Variants in PTPRD observed in about 807,000 individuals in gnomAD.
PTPRD encodes the protein receptor-type tyrosine-protein phosphatase delta.
PTPRD carries 34 observed loss-of-function variants against 214.5 expected under a neutral mutation model. The ratio of observed to expected loss-of-function variants is 0.16; its 90% confidence interval spans 0.12 to 0.21. PTPRD has a LOEUF of 0.21. PTPRD is among the 10% of genes least tolerant of loss of function. The pLI is 1.00. For missense variants in PTPRD, 2,545 were observed against 2,398.7 expected (o/e 1.06, Z -1.27); for synonymous variants, 1,128 against 845.7 (o/e 1.33, Z -5.79).
chr9:9,819,674 C>T (rs368803698), intron 5 of PTPRD, among the ~76,000 whole-genome samples: 9 of 152,088 alleles, frequency 5.9e-5, no homozygotes, highest in Non-Finnish European at 1.3e-4. Context: ...CTCTTTCCCT[C>T]TTCTAGTAGT....
intron 14 of PTPRD, among the ~76,000 whole-genome samples, chr9:8,612,511 A>C (rs1255196077): frequency 6.6e-6 from 1 of 152,234 alleles, no homozygotes; most frequent in African/African-American, 2.4e-5. Flanking sequence ...TGTTAGAAGC[A>C]AATCGGAAGG....
At chr9:8,626,396 C>T (rs934960826) in intron 14 of PTPRD, among the ~76,000 whole-genome samples, 7 of 151,794 alleles carry the variant, frequency 4.6e-5, no homozygotes, top group African/African-American at 1.7e-4. Context: ...CACGTCCCAA[C>T]CTCATTTTCT....
intron 11 of PTPRD, among the ~76,000 whole-genome samples, chr9:8,951,374 G>A (rs2154305342): frequency 6.8e-6 from 1 of 148,140 alleles, no homozygotes; most frequent in South Asian, 2.1e-4. Context: ...CAGGGCTCAG[G>A]CTTCAGTCTT....
intron 12 of PTPRD, among the ~76,000 whole-genome samples, chr9:8,669,502 A>T (rs2097236763): frequency 6.6e-6 from 1 of 152,116 alleles, no homozygotes; most frequent in Non-Finnish European, 1.5e-5. Context: ...TGGGGGCTGG[A>T]GGAAGTCCCT....
At chr9:9,024,051 A>G (rs1008611002) in intron 10 of PTPRD, among the ~76,000 whole-genome samples, 5 of 151,800 alleles carry the variant, frequency 3.3e-5, no homozygotes, top group African/African-American at 1.2e-4. Context: ...TACATTGAAG[A>G]AAAAAGACAA....
intron 7 of PTPRD, among the ~76,000 whole-genome samples, chr9:9,685,272 A>G (rs2097147475): frequency 1.3e-5 from 2 of 150,614 alleles, no homozygotes; most frequent in Non-Finnish European, 3.0e-5. Context: ...CTTATTATAT[A>G]TATATATGTA....
chr9:8,647,468 C>A (rs571596896), intron 12 of PTPRD, among the ~76,000 whole-genome samples: 1 of 151,968 alleles, frequency 6.6e-6, no homozygotes, highest in Non-Finnish European at 1.5e-5. Flanking sequence ...CTGTGAATAT[C>A]TTTTATGACC....
At chr9:10,202,393 C>T (rs563034745) in intron 3 of PTPRD, among the ~76,000 whole-genome samples, 2 of 151,556 alleles carry the variant, frequency 1.3e-5, no homozygotes, top group South Asian at 2.1e-4. Context: ...GGAATTGCAT[C>T]GAGATAACCT....
chr9:10,154,433 G>C (rs766588812), intron 3 of PTPRD, among the ~76,000 whole-genome samples: 55 of 151,978 alleles, frequency 3.6e-4, no homozygotes, highest in Non-Finnish European at 5.3e-4. Context: ...TTTATGAATA[G>C]TTTCTTTTGT....
intron 3 of PTPRD, among the ~76,000 whole-genome samples, chr9:10,230,428 GTATCTATGTATCTATCTATCTATC>G (rs1474814218): frequency 1.6e-5 from 2 of 128,264 alleles, no homozygotes; most frequent in African/African-American, 2.9e-5. Context: ...ATGTATCTAT[GTATCTATGTATCTATCTATCTATC>G]TATCTATCTA....
At chr9:9,356,922 G>A (rs552369548) in intron 9 of PTPRD, among the ~76,000 whole-genome samples, 1 of 151,496 alleles carries the variant, frequency 6.6e-6, no homozygotes, top group South Asian at 2.1e-4. Flanking sequence ...CAGAATTATA[G>A]TTAACAAACA....
At chr9:8,421,626 G>A (rs1454350671) in intron 35 of PTPRD, among the ~76,000 whole-genome samples, 1 of 152,068 alleles carries the variant, frequency 6.6e-6, no homozygotes, top group African/African-American at 2.4e-5. Flanking sequence ...TCTTGGCCTT[G>A]TACTCAAGCC....
At chr9:9,194,048 A>G (rs1220071493) in intron 9 of PTPRD, among the ~76,000 whole-genome samples, 1 of 152,150 alleles carries the variant, frequency 6.6e-6, no homozygotes, top group Non-Finnish European at 1.5e-5. Flanking sequence ...TATTAAAAAT[A>G]ATCTTTATAC....
At chr9:8,411,074 A>G (rs963931872) in intron 35 of PTPRD, among the ~76,000 whole-genome samples, 7 of 152,060 alleles carry the variant, frequency 4.6e-5, no homozygotes, top group African/African-American at 1.7e-4. Flanking sequence ...AAAAACAACA[A>G]CAAAACCAAA....
chr9:10,395,549 C>A (rs2154493342), intron 2 of PTPRD, among the ~76,000 whole-genome samples: 1 of 151,832 alleles, frequency 6.6e-6, no homozygotes, highest in South Asian at 2.1e-4. Context: ...TTAGGCAAAG[C>A]AATGAGAAAT....
At chr9:10,393,816 T>C (rs912671408) in intron 2 of PTPRD, among the ~76,000 whole-genome samples, 1 of 148,416 alleles carries the variant, frequency 6.7e-6, no homozygotes, top group Non-Finnish European at 1.5e-5. Context: ...ACTTGCAGAA[T>C]AAAGTTTTAT....
chr9:8,468,026 G>C (rs2096577904), intron 31 of PTPRD, among the ~76,000 whole-genome samples: 1 of 151,992 alleles, frequency 6.6e-6, no homozygotes, highest in Non-Finnish European at 1.5e-5. Context: ...TCATACTGCA[G>C]ATGTAGTTAA....
intron 11 of PTPRD, among the ~76,000 whole-genome samples, chr9:8,894,704 A>G (rs147684758): frequency 4.0e-4 from 61 of 152,324 alleles, no homozygotes; most frequent in Non-Finnish European, 5.9e-4. Context: ...GTGTGTGAAA[A>G]TGCCATTTGA....
At chr9:10,266,638 G>A (rs894935622) in intron 3 of PTPRD, among the ~76,000 whole-genome samples, 1 of 152,120 alleles carries the variant, frequency 6.6e-6, no homozygotes, top group Admixed American at 6.6e-5. Flanking sequence ...GGATAGGAGA[G>A]AATGTAAAGA....
Sources: allele counts gnomAD v4.1 joint callset (sites outside exome capture counted in the v4.1 genomes callset), GRCh38; gene constraint gnomAD v4.1.1; transcripts MANE v1.5; gene names NCBI Gene and HGNC (gene_info 2026-07-23, HGNC 2026-07-21).